CCDC171: variants seen among roughly 807,000 people sequenced by gnomAD.
CCDC171 encodes coiled-coil domain containing 171, also known as coiled-coil domain-containing protein 171.
In CCDC171, 177 loss-of-function variants were observed where a neutral mutation model predicts 168.2. That is an observed-to-expected ratio of 1.05 (90% CI 0.93 to 1.19). CCDC171 has a LOEUF of 1.19. Among genes scored for constraint, CCDC171 ranks in the 50% most tolerant of loss-of-function variants. The pLI is 0.00. For missense variants in CCDC171, 1,991 were observed against 1,539.0 expected, an observed-to-expected ratio of 1.29 and a Z score of -4.91; for synonymous variants, 687 against 540.8, an observed-to-expected ratio of 1.27 and a Z score of -3.75.
chr9:15,699,747 T>G (rs1347575828), intron 11 of CCDC171, among the ~76,000 whole-genome samples: 1 of 152,102 alleles, frequency 6.6e-6, no homozygotes, highest in Admixed American at 6.5e-5. Flanking sequence ...TGCCGATTGG[T>G]GTATTTACAA....
chr9:15,944,749 A>G (rs1828107664), intron 25 of CCDC171, among the ~76,000 whole-genome samples: 1 of 151,904 alleles, frequency 6.6e-6, no homozygotes, highest in Admixed American at 6.6e-5. Context: ...CTTGTTTTCA[A>G]AGTAGGAAGG....
chr9:15,815,187 A>G (rs1350747088), intron 21 of CCDC171, among the ~76,000 whole-genome samples: 3 of 152,126 alleles, frequency 2.0e-5, no homozygotes, highest in Non-Finnish European at 4.4e-5. Context: ...AGCTGTTAGC[A>G]GCCTCACAGG....
At chr9:15,696,400 T>C (rs1031924401) in intron 11 of CCDC171, among the ~76,000 whole-genome samples, 2 of 152,218 alleles carry the variant, frequency 1.3e-5, no homozygotes, top group Non-Finnish European at 2.9e-5. Flanking sequence ...TGTGTAACTA[T>C]CTTTGTTTTT....
At chr9:15,734,895 C>T (rs1289559903) in intron 16 of CCDC171, among the ~76,000 whole-genome samples, 2 of 152,140 alleles carry the variant, frequency 1.3e-5, no homozygotes, top group Non-Finnish European at 2.9e-5. Context: ...GTCAGATGAG[C>T]ATAACCATAA....
intron 12 of CCDC171, 76 bp from the exon 13 acceptor site, chr9:15,723,605 G>T: frequency 1.0e-6 from 1 of 991,412 alleles, no homozygotes; most frequent in Non-Finnish European, 1.5e-6. Context: ...TAACTTTTGA[G>T]TTACCCATCC....
At chr9:16,044,808 G>T (rs1283532227) in intron 1 of CCDC171, among the ~76,000 whole-genome samples, 1 of 152,192 alleles carries the variant, frequency 6.6e-6, no homozygotes, top group Non-Finnish European at 1.5e-5. Flanking sequence ...AGGGAAAGAA[G>T]CCCAGGGTAT....
intron 21 of CCDC171, among the ~76,000 whole-genome samples, chr9:15,827,178 G>GT (rs1398395282): frequency 6.6e-6 from 1 of 151,992 alleles, no homozygotes; most frequent in Non-Finnish European, 1.5e-5. Flanking sequence ...ATTTTTATTT[G>GT]TTTTTAGTTT....
chr9:15,656,416 C>G (rs925522258), intron 7 of CCDC171, among the ~76,000 whole-genome samples: 3 of 152,078 alleles, frequency 2.0e-5, no homozygotes, highest in Admixed American at 6.6e-5. Context: ...GTGTGTGTCT[C>G]TACAAAGTCT....
intron 24 of CCDC171, chr9:15,888,088 G>A (rs1002742471): frequency 2.6e-5 from 4 of 152,144 alleles, no homozygotes; most frequent in African/African-American, 4.8e-5. Flanking sequence ...CTCTTTTCCA[G>A]GTAGAAACAC....
At chr9:15,624,212 A>G (rs866371646) in intron 7 of CCDC171, among the ~76,000 whole-genome samples, 23 of 152,170 alleles carry the variant, frequency 1.5e-4, no homozygotes, top group African/African-American at 5.5e-4. Flanking sequence ...GATGATATGT[A>G]AATAAAATGA....
At chr9:15,903,131 C>G (rs1304490327) in intron 24 of CCDC171, among the ~76,000 whole-genome samples, 2 of 152,194 alleles carry the variant, frequency 1.3e-5, no homozygotes, top group Non-Finnish European at 2.9e-5. Context: ...CAAAAGGCAG[C>G]AGAATCCTCT....
At chr9:15,640,412 A>G (rs1324131904) in intron 7 of CCDC171, among the ~76,000 whole-genome samples, 1 of 152,096 alleles carries the variant, frequency 6.6e-6, no homozygotes, top group African/African-American at 2.4e-5. Context: ...ACCACCTTCA[A>G]ATTAGAATGC....
At chr9:15,692,639 T>C (rs2050892409) in intron 10 of CCDC171, among the ~76,000 whole-genome samples, 1 of 151,174 alleles carries the variant, frequency 6.6e-6, no homozygotes, top group Non-Finnish European at 1.5e-5. Flanking sequence ...GCCATTCTCC[T>C]GCCTCAGCCT....
chr9:15,673,904 A>C (rs2049314300), intron 9 of CCDC171, among the ~76,000 whole-genome samples: 1 of 152,156 alleles, frequency 6.6e-6, no homozygotes, highest in South Asian at 2.1e-4. Flanking sequence ...TGTTGATTGA[A>C]ATAGTTTCAG....
chr9:15,573,310 C>T (rs1404375186), intron 3 of CCDC171, among the ~76,000 whole-genome samples: 1 of 152,114 alleles, frequency 6.6e-6, no homozygotes, highest in African/African-American at 2.4e-5. Flanking sequence ...AAGTCTCGCT[C>T]TGTCACCCAG....
chr9:16,037,681 C>G (rs1003935067), intron 8 of CCDC171, among the ~76,000 whole-genome samples: 1 of 151,922 alleles, frequency 6.6e-6, no homozygotes, highest in Non-Finnish European at 1.5e-5. Context: ...ACAAATGAAA[C>G]TTCTAAAAGT....
chr9:16,055,145 A>G (rs971818115), intron 1 of CCDC171, among the ~76,000 whole-genome samples: 1 of 152,260 alleles, frequency 6.6e-6, no homozygotes, highest in Non-Finnish European at 1.5e-5. Context: ...CTGAGCATTT[A>G]GAAAAATGGA....
intron 21 of CCDC171, among the ~76,000 whole-genome samples, chr9:15,837,482 T>C (rs567682408): frequency 6.6e-6 from 1 of 152,338 alleles, no homozygotes; most frequent in African/African-American, 2.4e-5. Context: ...GAAGAAAACC[T>C]ATAAAATGCT....
At chr9:15,953,080 G>A (rs1829392648) in intron 25 of CCDC171, among the ~76,000 whole-genome samples, 1 of 152,112 alleles carries the variant, frequency 6.6e-6, no homozygotes, top group Non-Finnish European at 1.5e-5. Flanking sequence ...AGTATTTTGT[G>A]TGGAATCTTT....
Sources: allele counts gnomAD v4.1 joint callset (sites outside exome capture counted in the v4.1 genomes callset), GRCh38; gene constraint gnomAD v4.1.1; transcripts MANE v1.5; gene names NCBI Gene and HGNC (gene_info 2026-07-23, HGNC 2026-07-21).